The following LUC7L variants were observed in gnomAD, a reference collection of about 807,000 sequenced individuals.
LUC7L encodes LUC7 like, also known as putative RNA-binding protein Luc7-like 1.
Under a neutral mutation model 51.1 loss-of-function variants are expected in LUC7L, and 29 were observed. The observed-to-expected ratio is 0.57, with a 90% CI of 0.42 to 0.77. LUC7L has a LOEUF of 0.77. Among genes scored for constraint, LUC7L ranks in the 30% least tolerant of loss-of-function variants. The probability of loss-of-function intolerance (pLI) is 0.00; values close to 1 mark genes in which losing one functional copy is unlikely to be tolerated. For synonymous variants in LUC7L, 181 were observed against 180.7 expected, an observed-to-expected ratio of 1.00 and a Z score of -0.01; for missense variants, 403 against 511.9, an observed-to-expected ratio of 0.79 and a Z score of 2.05.
intron 5 of LUC7L, among the ~76,000 whole-genome samples, chr16:200,514 T>G (rs560383476): frequency 5.4e-4 from 82 of 151,182 alleles, no homozygotes; most frequent in Middle Eastern, 6.9e-3. Flanking sequence ...AGGTGGAGGT[T>G]GCAGTGAGCT....
chr16:194,090 A>G (rs1304799657), intron 6 of LUC7L, among the ~76,000 whole-genome samples: 1 of 148,740 alleles, frequency 6.7e-6, no homozygotes, highest in African/African-American at 2.5e-5. Context: ...GGCATGAGCC[A>G]CCGCGCTTGG....
In LUC7L at chr16:227,286, T is replaced by C. The variant is rs1313558861; in HGVS notation, c.112A>G (p.Ser38Gly). 3 of 1,612,970 alleles carry C rather than the reference T, an allele frequency of 1.9e-6. No individual in the cohort carries two copies. Among genetic ancestry groups the C allele is most frequent in the African/African-American group, 1.3e-5 (1 of 74,916 alleles). The change falls in exon 2 of 10, where the codon AGT becomes GGT. Residue 38 changes from serine (S) to glycine (G), a missense_variant. By Grantham distance (56) the Ser-to-Gly change is moderately conservative (BLOSUM62 0). This residue lies in a region of LUC7L where 182 missense variants were observed against 248.4 expected (regional missense o/e 0.73). Transcript: ENST00000293872. ...TGGGGGCAGCAGTCCAGAAGGTGACTCTTGCAGACACGGTCATCTGTAAAC... is the reference window on the plus strand; with the variant it reads ...TGGGGGCAGCAGTCCAGAAGGTGACCCTTGCAGACACGGTCATCTGTAAAC... ...VKFTDDRVCKSHLLDCCPHDI... is the reference protein window; with the variant it reads ...VKFTDDRVCKGHLLDCCPHDI...
intron 1 of LUC7L, 152 bp downstream of exon 1, chr16:229,127 A>C (rs1185285992): frequency 2.1e-6 from 3 of 1,404,314 alleles, no homozygotes; most frequent in African/African-American, 3.0e-5. Flanking sequence ...GCTTAGACAA[A>C]GGCCCGGCGC....
At chr16:190,693 A>C in intron 7 of LUC7L, 123 bp from the exon 8 acceptor site, 1 of 817,930 alleles carries the variant, frequency 1.2e-6, no homozygotes, top group Non-Finnish European at 2.1e-6. Flanking sequence ...CAGCCTGGAC[A>C]ACGTGGTGAA....
chr16:222,083 G>A (rs116074937), intron 2 of LUC7L, among the ~76,000 whole-genome samples: 402 of 152,218 alleles, frequency 2.6e-3, no homozygotes, highest in African/African-American at 9.3e-3. Context: ...TTGTCAGTAA[G>A]AACAGCATGA....
intron 2 of LUC7L, among the ~76,000 whole-genome samples, chr16:224,582 C>A (rs2142120051): frequency 6.6e-6 from 1 of 151,890 alleles, no homozygotes; most frequent in South Asian, 2.1e-4. Flanking sequence ...GTAATCCCAG[C>A]ACTTTGGGAG....
At position 189,196 on chromosome 16, in the gene LUC7L, G is replaced by A. The variant is rs1266645978; in HGVS notation, c.*2C>T. ...ACTATTTACAGCACCCGGGAGACGGGTTCAGATCTCGCCGGCCTCCTTCTC... is the reference window on the plus strand; with the variant it reads ...ACTATTTACAGCACCCGGGAGACGGATTCAGATCTCGCCGGCCTCCTTCTC... On this transcript the variant is annotated 3_prime_UTR_variant, in exon 10 of 10. Transcript: ENST00000293872. The A allele has an allele frequency of 6.2e-7, 1 of 1,612,630 alleles. No homozygotes were observed. Among genetic ancestry groups the A allele is most frequent in the Admixed American group, 1.7e-5 (1 of 59,852 alleles).
chr16:228,389 A>C, intron 1 of LUC7L: 1 of 1,303,520 alleles, frequency 7.7e-7, no homozygotes, highest in East Asian at 5.5e-5. Flanking sequence ...TAGGCAGGCA[A>C]AGATACACTG....
At chr16:195,463 G>C (rs2049123267) in intron 6 of LUC7L, among the ~76,000 whole-genome samples, 2 of 152,046 alleles carry the variant, frequency 1.3e-5, no homozygotes, top group South Asian at 4.1e-4. Context: ...ATCCTCTGTT[G>C]TCTAGGTTGG....
At chr16:212,441 C>G (rs1200412290) in intron 3 of LUC7L, among the ~76,000 whole-genome samples, 1 of 152,132 alleles carries the variant, frequency 6.6e-6, no homozygotes, top group Non-Finnish European at 1.5e-5. Context: ...TTCATCCTCA[C>G]AAATCTGAGG....
intron 3 of LUC7L, among the ~76,000 whole-genome samples, chr16:212,248 G>A (rs1197765368): frequency 1.3e-5 from 2 of 152,118 alleles, no homozygotes; most frequent in Non-Finnish European, 2.9e-5. Flanking sequence ...AGCTGAGATC[G>A]TGCCATTGCA....
At chr16:203,876 T>G (rs546892868) in intron 5 of LUC7L, among the ~76,000 whole-genome samples, 1 of 150,168 alleles carries the variant, frequency 6.7e-6, no homozygotes, top group Non-Finnish European at 1.5e-5. Context: ...ATTAGCCAGG[T>G]ATGGTGGCAC....
At chr16:217,416 T>G (rs555725155) in intron 3 of LUC7L, among the ~76,000 whole-genome samples, 1 of 152,204 alleles carries the variant, frequency 6.6e-6, no homozygotes, top group Non-Finnish European at 1.5e-5. Flanking sequence ...ACAACAAATT[T>G]TTTAAATAGG....
In LUC7L at chr16:190,099, T is replaced by C; in HGVS notation, c.843A>G (p.Arg281=). The C allele has an allele frequency of 1.2e-6, 2 of 1,612,776 alleles. No individual in the cohort carries two copies. Among genetic ancestry groups the C allele is most frequent in the Non-Finnish European group, 1.7e-6 (2 of 1,179,954 alleles). ...ATTTCCGTCGCTCTCGGGAGGTAGA[T>C]CTTGACCGCCTCCGACGCCGATCCC... is the stretch of plus-strand genomic sequence containing the variant. ...RSRDRRRRRS[R]STSRERRKLS... Residue 281 remains arginine, a synonymous_variant, in exon 9 of 10, where the codon AGA becomes AGG. Transcript: ENST00000293872.
At chr16:219,470 A>AT in intron 3 of LUC7L, among the ~76,000 whole-genome samples, 1 of 152,186 alleles carries the variant, frequency 6.6e-6, no homozygotes, top group East Asian at 1.9e-4. Context: ...AGTACTAGCT[A>AT]TTTAGGAGAC....
rs181358428 is a variant in LUC7L at position 189,789 on chromosome 16, G to A, written c.974+179C>T. The A allele has an allele frequency of 1.0e-4, 143 of 1,420,852 alleles. No individual in the cohort carries two copies. The African/African-American group carries it at 1.5e-3, about 15-fold the overall frequency. 88.0% of individuals were successfully genotyped at this position (1,420,852 alleles called of 1,614,324 possible). A position where few individuals can be genotyped will look rare whatever the true frequency, so the allele number is the denominator to read the frequency against. On this transcript the variant is annotated intron_variant, in intron 9 of 9. Transcript: ENST00000293872. ...TGCAGCCCATCACCTGGCGCCGTGC[G>A]AGCTCCTCCACAGCCCTCTCGCCTC...
rs377331329 is a variant in LUC7L, at chr16:205,780, CG to C, written c.510+223del. On this transcript the variant is annotated intron_variant, in intron 5 of 9. Transcript: ENST00000293872. Reference sequence around the variant, plus strand: ...AATTTTTTTGTATTTTTAGTAGAGACGGGGATTCGCTGTGTTAGCCAGGATG... The same window carrying C: ...AATTTTTTTGTATTTTTAGTAGAGACGGGATTCGCTGTGTTAGCCAGGATG... Among the ~76,000 whole-genome samples the C allele has an allele frequency of 1.1e-4, 16 of 152,212 alleles. No individual in the cohort carries two copies. In the South Asian group the frequency reaches 3.3e-3, roughly 32 times the overall value.
chr16:216,385 T>C (rs1461418426), intron 3 of LUC7L, among the ~76,000 whole-genome samples: 3 of 138,110 alleles, frequency 2.2e-5, no homozygotes, highest in African/African-American at 7.7e-5. Flanking sequence ...TAGTTGTTTT[T>C]TTTTTTTTTT....
At chr16:203,920 G>A (rs1426703050) in intron 5 of LUC7L, among the ~76,000 whole-genome samples, 2 of 151,746 alleles carry the variant, frequency 1.3e-5, no homozygotes, top group Non-Finnish European at 2.9e-5. Flanking sequence ...GGAGGCTGAG[G>A]CAGGAGAATC....
Sources: gnomAD v4.1 joint callset for allele counts (sites outside exome capture counted in the v4.1 genomes callset) on GRCh38, gnomAD v4.1.1 for gene constraint, gnomAD v4.1.1 regional missense constraint, MANE v1.5 for transcripts, NCBI Gene and HGNC (gene_info 2026-07-23, HGNC 2026-07-21) for gene names.